Variants in LRP1B observed in about 807,000 individuals in gnomAD.
LRP1B encodes the protein low-density lipoprotein receptor-related protein 1B.
In LRP1B, 217 loss-of-function variants were observed where a neutral mutation model predicts 556.6. The ratio of observed to expected loss-of-function variants is 0.39; its 90% CI spans 0.35 to 0.44. The LOEUF is 0.44. LRP1B is among the 20% of genes least tolerant of loss of function. LRP1B has a pLI of 1.00. For missense variants in LRP1B, 5,053 were observed against 5,620.8 expected, an observed-to-expected ratio of 0.90 and a Z score of 3.23; for synonymous variants, 2,047 against 1,865.8, an observed-to-expected ratio of 1.10 and a Z score of -2.50.
intron 32 of LRP1B, among the ~76,000 whole-genome samples, chr2:140,799,752 T>C (rs923384660): frequency 5.9e-5 from 9 of 152,098 alleles, no homozygotes; most frequent in African/African-American, 2.2e-4. Flanking sequence ...ACATCATGGA[T>C]TAAAAAGTTT....
intron 2 of LRP1B, among the ~76,000 whole-genome samples, chr2:141,544,350 T>C (rs968863383): frequency 8.1e-5 from 7 of 86,304 alleles, no homozygotes; most frequent in African/African-American, 2.5e-4. Flanking sequence ...CTTCTTCTTC[T>C]TCTTCTTCTT....
intron 20 of LRP1B, among the ~76,000 whole-genome samples, chr2:140,943,085 A>G (rs1579463): frequency 0.96 from 146,005 of 152,150 alleles, 70,339 homozygotes; most frequent in East Asian, 1. Flanking sequence ...AAGGGATGGA[A>G]AAAGATCTAT....
intron 6 of LRP1B, among the ~76,000 whole-genome samples, chr2:141,204,473 G>A (rs564170130): frequency 2.6e-5 from 4 of 152,238 alleles, no homozygotes; most frequent in Non-Finnish European, 2.9e-5. Context: ...ACTTCCAAAG[G>A]TAGCCTAGGA....
intron 23 of LRP1B, among the ~76,000 whole-genome samples, chr2:140,895,735 G>A (rs1436658164): frequency 6.6e-6 from 1 of 152,122 alleles, no homozygotes; most frequent in Non-Finnish European, 1.5e-5. Context: ...TCAGTGGGAT[G>A]GAGAGCTGAA....
chr2:142,009,697 C>A (rs1233106389), intron 1 of LRP1B, among the ~76,000 whole-genome samples: 2 of 152,108 alleles, frequency 1.3e-5, no homozygotes, highest in East Asian at 3.8e-4. Flanking sequence ...TGATTTTATG[C>A]TGCATATATG....
chr2:141,985,810 T>C (rs752858405), intron 1 of LRP1B, among the ~76,000 whole-genome samples: 4 of 151,936 alleles, frequency 2.6e-5, no homozygotes, highest in Admixed American at 6.6e-5. Flanking sequence ...ACAGAACATA[T>C]TATTCTGTAT....
At chr2:141,500,575 T>C (rs959890375) in intron 2 of LRP1B, among the ~76,000 whole-genome samples, 1 of 152,110 alleles carries the variant, frequency 6.6e-6, no homozygotes, top group Non-Finnish European at 1.5e-5. Flanking sequence ...GGTAAGTCAA[T>C]GATTTAAAAA....
rs779452767 is a variant in LRP1B at position 140,598,683 on chromosome 2, T to C, written c.7142A>G (p.Asp2381Gly). ...DYRAEKLYFS[D>G]GSLGKIERCE... ...CCTTTCAATTTTTCCTAGACTGCCA[T>C]CTGAGAAATACAGCTTCTCTGCACG... is the stretch of plus-strand genomic sequence containing the variant. The change falls in exon 43 of 91, where the codon GAT becomes GGT. Residue 2381 changes from aspartate to glycine, a missense_variant. Asp to Gly is a moderately conservative substitution (Grantham distance 94). Coordinates refer to ENST00000389484, the MANE Select transcript of LRP1B (RefSeq NM_018557.3). 10 of 1,613,680 alleles carry C rather than the reference T, an allele frequency of 6.2e-6. No individual in the cohort carries two copies. In the South Asian group the frequency reaches 8.8e-5, roughly 14 times the overall value.
At chr2:140,273,757 C>T (rs1682560524) in intron 85 of LRP1B, among the ~76,000 whole-genome samples, 1 of 151,968 alleles carries the variant, frequency 6.6e-6, no homozygotes, top group Non-Finnish European at 1.5e-5. Flanking sequence ...TGATCTCTAA[C>T]CTCAGTGGCA....
At chr2:140,940,204 C>A (rs1164517480) in intron 20 of LRP1B, among the ~76,000 whole-genome samples, 3 of 151,882 alleles carry the variant, frequency 2.0e-5, no homozygotes, top group Non-Finnish European at 4.4e-5. Context: ...TAAATTGTTA[C>A]AAACATTTCT....
chr2:141,954,072 G>A (rs964309083), intron 1 of LRP1B, among the ~76,000 whole-genome samples: 10 of 152,066 alleles, frequency 6.6e-5, no homozygotes, highest in Admixed American at 3.3e-4. Flanking sequence ...ACAAGCAATC[G>A]CTGAGAGTAG....
chr2:140,726,821 TTC>T (rs1175291706), intron 35 of LRP1B, among the ~76,000 whole-genome samples: 1 of 152,182 alleles, frequency 6.6e-6, no homozygotes, highest in Non-Finnish European at 1.5e-5. Context: ...TCTTTTTTCC[TTC>T]TTTTTCTCTT....
chr2:141,621,925 C>T (rs1688518427), intron 2 of LRP1B, among the ~76,000 whole-genome samples: 1 of 151,992 alleles, frequency 6.6e-6, no homozygotes, highest in Non-Finnish European at 1.5e-5. Context: ...TTGCTTTGAT[C>T]TTGTTGCCCA....
chr2:140,513,217 A>C (rs1385766), intron 51 of LRP1B, among the ~76,000 whole-genome samples: 113,036 of 151,864 alleles, frequency 0.74, 42,738 homozygotes, highest in Middle Eastern at 0.85. Flanking sequence ...TAAGGAAAAA[A>C]ATGAAGTGGT....
At chr2:141,883,588 G>A (rs1304368598) in intron 1 of LRP1B, among the ~76,000 whole-genome samples, 1 of 152,136 alleles carries the variant, frequency 6.6e-6, no homozygotes, top group Non-Finnish European at 1.5e-5. Context: ...GTCAGGTGTA[G>A]TGGCTCATCC....
At chr2:141,257,036 A>G (rs1684491057) in intron 3 of LRP1B, among the ~76,000 whole-genome samples, 1 of 152,086 alleles carries the variant, frequency 6.6e-6, no homozygotes, top group South Asian at 2.1e-4. Flanking sequence ...AAGAACCTAG[A>G]AAGTCTCACA....
At chr2:141,787,419 AG>A (rs1284866283) in intron 2 of LRP1B, among the ~76,000 whole-genome samples, 1 of 151,986 alleles carries the variant, frequency 6.6e-6, no homozygotes, top group Non-Finnish European at 1.5e-5. Context: ...ACAAAGAATT[AG>A]CTACTGATAT....
intron 32 of LRP1B, among the ~76,000 whole-genome samples, chr2:140,784,561 A>G (rs1300541395): frequency 6.6e-6 from 1 of 151,950 alleles, no homozygotes; most frequent in East Asian, 1.9e-4. Context: ...TGACTACACC[A>G]TGAGCAAGAA....
chr2:141,509,362 A>T (rs1250066689), intron 2 of LRP1B, among the ~76,000 whole-genome samples: 1 of 152,190 alleles, frequency 6.6e-6, no homozygotes, highest in African/African-American at 2.4e-5. Context: ...TGTGCTACTG[A>T]GCCTGTCTGG....
Sources: allele counts gnomAD v4.1 joint callset (sites outside exome capture counted in the v4.1 genomes callset), GRCh38; gene constraint gnomAD v4.1.1; transcripts MANE v1.5; gene names NCBI Gene and HGNC (gene_info 2026-07-23, HGNC 2026-07-21).